Variants in PTPRD observed in about 807,000 individuals in gnomAD.
PTPRD encodes protein tyrosine phosphatase receptor type D, also known as receptor-type tyrosine-protein phosphatase delta.
PTPRD carries 34 observed loss-of-function variants against 214.5 expected under a neutral mutation model. That is an observed-to-expected ratio of 0.16 (90% CI 0.12 to 0.21). The LOEUF (loss-of-function observed/expected upper bound fraction) is 0.21, where lower values mean the gene tolerates loss of function less well. Among genes scored for constraint, PTPRD ranks in the 10% least tolerant of loss-of-function variants. The probability of loss-of-function intolerance (pLI) is 1.00; values close to 1 mark genes in which losing one functional copy is unlikely to be tolerated. For missense variants in PTPRD, 2,545 were observed against 2,398.7 expected (o/e 1.06, Z -1.27); for synonymous variants, 1,128 against 845.7 (o/e 1.33, Z -5.79).
intron 2 of PTPRD, among the ~76,000 whole-genome samples, chr9:10,602,057 ACTTT>A (rs2078110316): frequency 1.3e-5 from 2 of 151,828 alleles, no homozygotes; most frequent in East Asian, 1.9e-4. Flanking sequence ...CTCAACTTTA[ACTTT>A]CTATTTTATA....
intron 11 of PTPRD, among the ~76,000 whole-genome samples, chr9:8,974,462 T>G (rs553378118): frequency 6.6e-6 from 1 of 152,036 alleles, no homozygotes; most frequent in Non-Finnish European, 1.5e-5. Context: ...CTTTGTTACA[T>G]AGGTATACAT....
At chr9:9,785,844 G>T (rs1180083793) in intron 5 of PTPRD, among the ~76,000 whole-genome samples, 1 of 151,992 alleles carries the variant, frequency 6.6e-6, no homozygotes, top group African/African-American at 2.4e-5. Flanking sequence ...CATACAAAAG[G>T]TACCATTTTT....
chr9:10,084,279 C>T (rs895121062), intron 3 of PTPRD, among the ~76,000 whole-genome samples: 9 of 151,806 alleles, frequency 5.9e-5, no homozygotes, highest in African/African-American at 1.7e-4. Flanking sequence ...TTTTGTTTCT[C>T]CAAAGATAAT....
intron 14 of PTPRD, among the ~76,000 whole-genome samples, chr9:8,578,736 G>A (rs1350129063): frequency 2.6e-5 from 4 of 152,158 alleles, no homozygotes; most frequent in African/African-American, 7.2e-5. Context: ...ATCCTCAAGT[G>A]TCAATTACAG....
chr9:9,281,258 G>A (rs1453269280), intron 9 of PTPRD, among the ~76,000 whole-genome samples: 2 of 151,030 alleles, frequency 1.3e-5, no homozygotes, highest in Non-Finnish European at 3.0e-5. Context: ...GATAGTCTGG[G>A]CCTCACTGAA....
rs940876269 is a variant in PTPRD, at chr9:9,420,031, T to A, written c.-236-22549A>T. Among the ~76,000 whole-genome samples the A allele has an allele frequency of 2.6e-5, 4 of 151,612 alleles. No individual in the cohort carries two copies. The East Asian group carries it at 7.7e-4, about 29-fold the overall frequency. On this transcript the variant is annotated intron_variant, in intron 8 of 45. Coordinates refer to ENST00000381196, the MANE Select transcript of PTPRD (RefSeq NM_002839.4). Reference sequence around the variant, plus strand: ...AGTTACTCCCAGGTTACAGAAAAAATATATATATTTTTAAAATTCTGTAAC... The same window carrying A: ...AGTTACTCCCAGGTTACAGAAAAAAAATATATATTTTTAAAATTCTGTAAC...
At chr9:9,900,706 G>C (rs978777710) in intron 5 of PTPRD, among the ~76,000 whole-genome samples, 3 of 144,828 alleles carry the variant, frequency 2.1e-5, no homozygotes, top group African/African-American at 8.1e-5. Context: ...GCACGATCTT[G>C]GCTCACTGCA....
At chr9:9,183,476 G>C (rs2099929441) in intron 9 of PTPRD, 113 bp from the exon 10 acceptor site, 1 of 151,984 alleles carries the variant, frequency 6.6e-6, no homozygotes, top group South Asian at 2.1e-4. Context: ...GCAGAGATGA[G>C]AAAAAGTAAG....
intron 10 of PTPRD, among the ~76,000 whole-genome samples, chr9:9,154,738 C>A (rs1490809357): frequency 1.3e-5 from 2 of 151,930 alleles, no homozygotes; most frequent in Non-Finnish European, 2.9e-5. Flanking sequence ...AACAGGTAAG[C>A]CAGAAAAGTA....
chr9:9,549,559 G>A (rs929656729), intron 8 of PTPRD, among the ~76,000 whole-genome samples: 15 of 151,990 alleles, frequency 9.9e-5, no homozygotes, highest in East Asian at 3.9e-4. Flanking sequence ...TTAAACAGTC[G>A]CTATGGTCCA....
At chr9:8,895,479 T>C (rs1021113868) in intron 11 of PTPRD, among the ~76,000 whole-genome samples, 1 of 152,180 alleles carries the variant, frequency 6.6e-6, no homozygotes, top group African/African-American at 2.4e-5. Context: ...GGAAACTATC[T>C]TTTAGATAAT....
At chr9:10,440,498 G>T (rs2098751451) in intron 2 of PTPRD, among the ~76,000 whole-genome samples, 1 of 151,768 alleles carries the variant, frequency 6.6e-6, no homozygotes, top group Admixed American at 6.6e-5. Context: ...GGAGATTTGA[G>T]TGGAGATAAA....
intron 2 of PTPRD, among the ~76,000 whole-genome samples, chr9:10,564,168 A>ACTCTTTTTTTTT (rs2064896205): frequency 4.1e-3 from 49 of 11,846 alleles, no homozygotes; most frequent in Non-Finnish European, 8.3e-3. Flanking sequence ...ACACTAGGCT[A>ACTCTTTTTTTTT]TTCTTTTTTT....
intron 3 of PTPRD, among the ~76,000 whole-genome samples, chr9:10,067,220 A>T (rs1207410111): frequency 1.3e-5 from 2 of 151,922 alleles, no homozygotes; most frequent in African/African-American, 4.8e-5. Flanking sequence ...TTTGGAGGAG[A>T]GCAGTACCAT....
Position 9,767,388 on chromosome 9 carries a change from T to A in PTPRD, c.-367-537A>T, listed in dbSNP as rs149201845. Among the ~76,000 whole-genome samples the A allele has an allele frequency of 9.0e-4, 137 of 152,182 alleles. 1 individual carries two copies. Among genetic ancestry groups the A allele is most frequent in the African/African-American group, 3.1e-3 (129 of 41,564 alleles). ...AGTGCATCTAGAATGAAGGCACAGA[T>A]AATAGATTTAAATATGTTCTAATGA... On this transcript the variant is annotated intron_variant, in intron 5 of 45. Transcript: ENST00000381196.
chr9:9,741,140 T>TAAA (rs2098396047), intron 6 of PTPRD, among the ~76,000 whole-genome samples: 1 of 152,174 alleles, frequency 6.6e-6, no homozygotes, highest in African/African-American at 2.4e-5. Context: ...AAGTAAAATG[T>TAAA]AAATGTATTG....
At chr9:9,337,679 A>T (rs1357198419) in intron 9 of PTPRD, among the ~76,000 whole-genome samples, 1 of 152,186 alleles carries the variant, frequency 6.6e-6, no homozygotes, top group African/African-American at 2.4e-5. Context: ...TGCCAAGAAG[A>T]TGCCACTCTC....
chr9:9,777,217 C>T (rs558040006), intron 5 of PTPRD, among the ~76,000 whole-genome samples: 2 of 152,122 alleles, frequency 1.3e-5, no homozygotes, highest in South Asian at 4.1e-4. Flanking sequence ...TTTTTAAAAA[C>T]ATTCTAAGTC....
chr9:8,345,528 A>G (rs1856741344), intron 39 of PTPRD, among the ~76,000 whole-genome samples: 1 of 152,056 alleles, frequency 6.6e-6, no homozygotes. Flanking sequence ...CCTTGGTTTT[A>G]AGGACACTAG....
Sources: allele counts gnomAD v4.1 joint callset (sites outside exome capture counted in the v4.1 genomes callset), GRCh38; gene constraint gnomAD v4.1.1; transcripts MANE v1.5; gene names NCBI Gene and HGNC (gene_info 2026-07-23, HGNC 2026-07-21).